TPM4: variants seen among roughly 807,000 people sequenced by gnomAD.
TPM4 encodes tropomyosin 4, also known as tropomyosin alpha-4 chain.
TPM4 carries 17 observed loss-of-function variants against 35.8 expected under a neutral mutation model. That is an observed-to-expected ratio of 0.47 (90% CI 0.32 to 0.71). TPM4 has a LOEUF of 0.71. Among genes scored for constraint, TPM4 ranks in the 30% least tolerant of loss-of-function variants. The probability of loss-of-function intolerance (pLI) is 0.03; values close to 1 mark genes in which losing one functional copy is unlikely to be tolerated. For missense variants in TPM4, 240 were observed against 320.9 expected (o/e 0.75, Z 1.93); for synonymous variants, 120 against 122.9 (o/e 0.98, Z 0.15).
chr19:16,093,265 G>A (rs1599381338), intron 5 of TPM4: 7 of 416,908 alleles, frequency 1.7e-5, no homozygotes, highest in South Asian at 7.3e-5. Context: ...GCGTGATCTC[G>A]GCTCACTGCA....
At chr19:16,096,074 C>T (rs2090692752) in intron 7 of TPM4, among the ~76,000 whole-genome samples, 1 of 152,034 alleles carries the variant, frequency 6.6e-6, no homozygotes, top group South Asian at 2.1e-4. Flanking sequence ...TACAGGCATA[C>T]ACCACCACAC....
chr19:16,068,884 G>C (rs1479090039), intron 2 of TPM4, among the ~76,000 whole-genome samples: 1 of 152,184 alleles, frequency 6.6e-6, no homozygotes, highest in Non-Finnish European at 1.5e-5. Flanking sequence ...GAGGGGTAAA[G>C]GTGACTGTGA....
intron 1 of TPM4, among the ~76,000 whole-genome samples, chr19:16,079,053 AACCCAAAATG>A (rs1713046148): frequency 6.6e-6 from 1 of 152,204 alleles, no homozygotes; most frequent in Non-Finnish European, 1.5e-5. Context: ...GAAGGGGTGG[AACCCAAAATG>A]ACTCGGCCGT....
chr19:16,102,388 C>T lies in TPM4; in HGVS notation c.*1042C>T, dbSNP rs896060135. ...TCTCTGAAGAGCAAATGTCTCATTC[C>T]AGTAATGACCCACTCAGCAGGAATA... is the stretch of plus-strand genomic sequence containing the variant. On this transcript the variant is annotated 3_prime_UTR_variant, in exon 8 of 8. Coordinates refer to ENST00000643579, the MANE Select transcript of TPM4 (RefSeq NM_003290.3). The T allele has an allele frequency of 2.3e-5, 5 of 216,418 alleles. No homozygotes were observed. The highest frequency in any genetic ancestry group is 1.1e-4 in the African/African-American group (5 of 44,374). The allele number at this position is 216,418 out of a possible 1,614,324, so 13.4% of individuals were successfully genotyped here. A position where few individuals can be genotyped will look rare whatever the true frequency, so the allele number is the denominator to read the frequency against.
rs866669559 is a variant in TPM4 at position 16,102,318 on chromosome 19, G to A, written c.*972G>A. On this transcript the variant is annotated 3_prime_UTR_variant, in exon 8 of 8. Transcript: ENST00000643579. ...CGCACCACAGCGCTCCAGCCTGGTC[G>A]ACAGAGTGAGACTCCATCTCAAGAA... is the stretch of plus-strand genomic sequence containing the variant. The A allele has an allele frequency of 1.5e-5, 3 of 197,494 alleles. No individual in the cohort carries two copies. The highest frequency in any genetic ancestry group is 1.2e-4 in the Admixed American group (2 of 16,510). 12.2% of individuals were successfully genotyped at this position (197,494 alleles called of 1,614,324 possible). A position where few individuals can be genotyped will look rare whatever the true frequency, so the allele number is the denominator to read the frequency against.
chr19:16,078,009 G>A lies in TPM4; in HGVS notation c.132+1312G>A, dbSNP rs548657392. The A allele has an allele frequency of 1.3e-5, 5 of 391,276 alleles. No homozygotes were observed. In the South Asian group the frequency reaches 6.6e-4, roughly 52 times the overall value. The allele number at this position is 391,276 out of a possible 1,614,324, so 24.2% of individuals were successfully genotyped here. A position where few individuals can be genotyped will look rare whatever the true frequency, so the allele number is the denominator to read the frequency against. On this transcript the variant is annotated intron_variant, in intron 1 of 7. Transcript: ENST00000643579. ...AGGCTGGTCTCGAACTCCTGACCTCGTGATCTGCCCACCTTGGCCTCCCAA... is the reference window on the plus strand; with the variant it reads ...AGGCTGGTCTCGAACTCCTGACCTCATGATCTGCCCACCTTGGCCTCCCAA...
chr19:16,077,977 G>C, intron 1 of TPM4: 1 of 383,784 alleles, frequency 2.6e-6, no homozygotes, highest in Non-Finnish European at 4.6e-6. Context: ...GTCTCACCAT[G>C]CTGGCCAGGC....
At chr19:16,098,636 G>A (rs1409851894) in intron 7 of TPM4, among the ~76,000 whole-genome samples, 2 of 151,884 alleles carry the variant, frequency 1.3e-5, no homozygotes, top group African/African-American at 4.8e-5. Flanking sequence ...GTCAGGATTT[G>A]TAGTCAAGAG....
intron 1 of TPM4, chr19:16,081,683 C>A: frequency 2.7e-6 from 1 of 368,258 alleles, no homozygotes; most frequent in East Asian, 4.8e-5. Context: ...CATGAGCCAC[C>A]ACGCTTGGCG....
intron 2 of TPM4, among the ~76,000 whole-genome samples, chr19:16,071,083 T>C (rs1054876189): frequency 5.3e-5 from 8 of 152,232 alleles, no homozygotes; most frequent in African/African-American, 1.9e-4. Context: ...GCCTTTTTTG[T>C]CCCACAAAGA....
intron 4 of TPM4, chr19:16,088,534 C>A (rs1398707939): frequency 9.6e-7 from 1 of 1,046,592 alleles, no homozygotes; most frequent in East Asian, 7.6e-5. Context: ...TAACCAGAAT[C>A]CCACAAGCAA....
chr19:16,082,990 CAAAA>C (rs1195606325), intron 2 of TPM4, among the ~76,000 whole-genome samples: 5 of 62,868 alleles, frequency 8.0e-5, no homozygotes, highest in South Asian at 5.4e-4. Context: ...GATTCTGTCT[CAAAA>C]AAAAAAAAAA....
In TPM4 at chr19:16,079,303, T is replaced by A. The variant is rs190846750; in HGVS notation, c.132+2606T>A. 1.2e-4 allele frequency among the ~76,000 whole-genome samples: 19 copies of A among 152,332 alleles called. No individual in the cohort carries two copies. The East Asian group carries it at 2.7e-3, about 22-fold the overall frequency. ...ATGGGTACACAGTTTTTTGTTTGTT[T>A]GTTTGTCTTTGGCGGGTTATGAAAA... is the stretch of plus-strand genomic sequence containing the variant. On this transcript the variant is annotated intron_variant, in intron 1 of 7. Transcript: ENST00000643579.
At chr19:16,071,530 T>C (rs181557269), upstream of TPM4, among the ~76,000 whole-genome samples, 8 of 152,308 alleles carry the variant, frequency 5.3e-5, no homozygotes, top group Admixed American at 4.6e-4. Context: ...TTCCTGCACA[T>C]TTCTGAGCCC....
intron 2 of TPM4, among the ~76,000 whole-genome samples, chr19:16,069,372 T>C (rs1340281391): frequency 1.3e-5 from 2 of 152,062 alleles, no homozygotes; most frequent in Admixed American, 6.5e-5. Context: ...TGTGTGTGGA[T>C]GAGTGTGTGT....
chr19:16,085,652 G>A (rs955277607), intron 2 of TPM4, among the ~76,000 whole-genome samples: 1 of 152,196 alleles, frequency 6.6e-6, no homozygotes, highest in Non-Finnish European at 1.5e-5. Context: ...TACCAGCTCT[G>A]TAACCTTAAG....
At position 16,069,895 on chromosome 19, in the gene TPM4, C is replaced by T. The variant is rs543725842; in HGVS notation, c.114+2157C>T. ...GGGGGGCTGTGCGAACCTGTGTGTG[C>T]GTGTAGGTGACACTATGCCCCTGGA... On this transcript the variant is annotated intron_variant, in intron 2 of 2. Transcript: ENST00000589897. Among the ~76,000 whole-genome samples the T allele has an allele frequency of 9.0e-4, 137 of 151,864 alleles. 2 individuals are homozygous for T. The highest frequency in any genetic ancestry group is 3.1e-3 in the African/African-American group (129 of 41,386).
rs910082461 is a variant in TPM4 at position 16,086,406 on chromosome 19, G to A, written c.267-17G>A. On this transcript the variant is annotated splice_polypyrimidine_tract_variant and intron_variant, in intron 2 of 7. Coordinates refer to ENST00000643579, the MANE Select transcript of TPM4 (RefSeq NM_003290.3). Reference sequence around the variant, plus strand: ...GGTGTGAGTGAACGGCCGTCCTGATGAGATTGCTCCTTGCAGAGGAATGAA... The same window carrying A: ...GGTGTGAGTGAACGGCCGTCCTGATAAGATTGCTCCTTGCAGAGGAATGAA... 6 of 1,609,244 alleles carry A rather than the reference G, an allele frequency of 3.7e-6. No homozygotes were observed. In the African/African-American group the frequency reaches 6.7e-5, roughly 18 times the overall value.
chr19:16,100,094 C>T (rs2090747734), intron 7 of TPM4: 1 of 152,128 alleles, frequency 6.6e-6, no homozygotes, highest in Non-Finnish European at 1.5e-5. Flanking sequence ...TGTAGCAGCA[C>T]GTCATAGGTT....
Sources: gnomAD v4.1 joint callset for allele counts (sites outside exome capture counted in the v4.1 genomes callset) on GRCh38, gnomAD v4.1.1 for gene constraint, MANE v1.5 for transcripts, NCBI Gene and HGNC (gene_info 2026-07-23, HGNC 2026-07-21) for gene names.